The following MGAT4C variants were observed in gnomAD, a reference collection of about 807,000 sequenced individuals.
MGAT4C encodes MGAT4 family member C, also known as alpha-1,3-mannosyl-glycoprotein 4-beta-N-acetylglucosaminyltransferase C.
A neutral mutation model predicts 40.1 loss-of-function variants in MGAT4C; 19 were observed. The ratio of observed to expected loss-of-function variants is 0.47; its 90% CI spans 0.33 to 0.70. MGAT4C has a LOEUF of 0.70. Among genes scored for constraint, MGAT4C ranks in the 30% least tolerant of loss-of-function variants. The probability of loss-of-function intolerance (pLI) is 0.02; values close to 1 mark genes in which losing one functional copy is unlikely to be tolerated. For missense variants in MGAT4C, 491 were observed against 563.2 expected (o/e 0.87, Z 1.30); for synonymous variants, 181 against 187.1 (o/e 0.97, Z 0.27).
rs572031012 is a variant in MGAT4C at position 86,502,522 on chromosome 12, T to A, written c.-228-67257A>T. ...GTGGACTTTGGTCAATAATAGCATA[T>A]TAGTATTGATTCATCCATTGTAACA... On this transcript the variant is annotated intron_variant, in intron 2 of 7. Transcript: ENST00000548651. Among the ~76,000 whole-genome samples the A allele has an allele frequency of 7.2e-5, 11 of 151,818 alleles. No individual in the cohort carries two copies. In the South Asian group the frequency reaches 2.3e-3, roughly 31 times the overall value.
intron 2 of MGAT4C, among the ~76,000 whole-genome samples, chr12:86,699,366 A>G (rs1950315915): frequency 6.6e-6 from 1 of 152,194 alleles, no homozygotes. Flanking sequence ...GAAGAAGAAA[A>G]AATATACGTA....
chr12:86,523,045 A>T (rs1192935046), intron 2 of MGAT4C, among the ~76,000 whole-genome samples: 1 of 151,964 alleles, frequency 6.6e-6, no homozygotes, highest in East Asian at 1.9e-4. Context: ...TTAAAAAAAC[A>T]ATTCCTGGAT....
In MGAT4C at chr12:86,081,343, T is replaced by C. The variant is rs1445031894; in HGVS notation, c.-56-31620A>G. On this transcript the variant is annotated intron_variant, in intron 1 of 4. Coordinates refer to ENST00000611864, the MANE Select transcript of MGAT4C (RefSeq NM_001351288.2). ...CAGAAGTCAGCATAGTCAAAGTGAC[T>C]CTAATTCGGGAGTCTGTGATCCAAA... Among the ~76,000 whole-genome samples the C allele has an allele frequency of 2.0e-5, 3 of 152,314 alleles. No individual in the cohort carries two copies. In the East Asian group the frequency reaches 5.8e-4, roughly 29 times the overall value.
intron 3 of MGAT4C, among the ~76,000 whole-genome samples, chr12:86,417,212 T>C (rs1273151543): frequency 2.0e-5 from 3 of 152,092 alleles, no homozygotes; most frequent in Admixed American, 2.0e-4. Flanking sequence ...AGAATATAGA[T>C]AAGTGGATTG....
At chr12:86,105,344 C>T (rs575741250) in intron 1 of MGAT4C, among the ~76,000 whole-genome samples, 2 of 152,150 alleles carry the variant, frequency 1.3e-5, no homozygotes, top group African/African-American at 4.8e-5. Context: ...AAACCAAAAA[C>T]CACATAATCT....
intron 1 of MGAT4C, among the ~76,000 whole-genome samples, chr12:86,752,590 T>C (rs556864694): frequency 1.6e-4 from 25 of 152,194 alleles, no homozygotes; most frequent in Middle Eastern, 3.4e-3. Flanking sequence ...TTAGTGAATA[T>C]CAATATCTTA....
chr12:86,111,299 T>C lies in MGAT4C; in HGVS notation c.-56-61576A>G, dbSNP rs185475059. ...AGTGTCTATCAAGCATTTGTCAGGA[T>C]TTCATAATCAAATAAGAAATGTTGC... On this transcript the variant is annotated intron_variant, in intron 1 of 4. Coordinates refer to ENST00000611864, the MANE Select transcript of MGAT4C (RefSeq NM_001351288.2). Among the ~76,000 whole-genome samples, 769 of 151,956 alleles carry C rather than the reference T, an allele frequency of 5.1e-3. 4 individuals are homozygous for C. Among genetic ancestry groups the C allele is most frequent in the Middle Eastern group, 0.01 (3 of 294 alleles).
intron 1 of MGAT4C, among the ~76,000 whole-genome samples, chr12:86,056,274 G>T (rs1242982306): frequency 6.6e-6 from 1 of 152,060 alleles, no homozygotes; most frequent in Non-Finnish European, 1.5e-5. Flanking sequence ...TAGGGTACAC[G>T]TGCACAACGT....
At chr12:86,136,057 C>A (rs1336485241) in intron 1 of MGAT4C, among the ~76,000 whole-genome samples, 3 of 152,134 alleles carry the variant, frequency 2.0e-5, no homozygotes, top group African/African-American at 7.2e-5. Flanking sequence ...AGTTTTGCTT[C>A]ATTTTCTCAT....
intron 1 of MGAT4C, among the ~76,000 whole-genome samples, chr12:86,159,907 G>T (rs2135796248): frequency 6.6e-6 from 1 of 152,010 alleles, no homozygotes; most frequent in East Asian, 1.9e-4. Context: ...TTCTGATCGG[G>T]CTTTACTTGG....
At chr12:86,663,344 C>T (rs2136551766) in intron 2 of MGAT4C, among the ~76,000 whole-genome samples, 2 of 129,442 alleles carry the variant, frequency 1.5e-5, no homozygotes, top group South Asian at 4.6e-4. Flanking sequence ...AGTGATACCT[C>T]CTCTGTCTCA....
At chr12:86,810,497 GT>G (rs1159536690) in intron 1 of MGAT4C, among the ~76,000 whole-genome samples, 2 of 151,660 alleles carry the variant, frequency 1.3e-5, no homozygotes, top group African/African-American at 4.8e-5. Flanking sequence ...TCAAGTTGAG[GT>G]AATTCCCTTG....
chr12:86,807,504 T>A (rs1952381216), intron 1 of MGAT4C, among the ~76,000 whole-genome samples: 1 of 151,898 alleles, frequency 6.6e-6, no homozygotes, highest in African/African-American at 2.4e-5. Context: ...ATGTACCACA[T>A]TTTTTTTATC....
intron 2 of MGAT4C, among the ~76,000 whole-genome samples, chr12:86,696,652 T>C (rs1008784101): frequency 5.3e-5 from 8 of 152,208 alleles, no homozygotes; most frequent in African/African-American, 7.2e-5. Context: ...TTTGCATTAA[T>C]CTTAAATTTA....
chr12:86,029,223 A>G (rs1023152631), intron 2 of MGAT4C, among the ~76,000 whole-genome samples: 3 of 151,998 alleles, frequency 2.0e-5, no homozygotes, highest in Non-Finnish European at 2.9e-5. Flanking sequence ...TTATATGTCA[A>G]TATCAGATCA....
chr12:86,198,019 A>G (rs1949890521), intron 1 of MGAT4C, among the ~76,000 whole-genome samples: 1 of 152,226 alleles, frequency 6.6e-6, no homozygotes, highest in South Asian at 2.1e-4. Context: ...TGGGAATTGT[A>G]AAGCTCAGAG....
chr12:86,180,476 C>A (rs572484264), intron 1 of MGAT4C, among the ~76,000 whole-genome samples: 1 of 152,282 alleles, frequency 6.6e-6, no homozygotes, highest in East Asian at 1.9e-4. Flanking sequence ...CGTGGAAAAG[C>A]CTCAGACACT....
At chr12:86,085,865 AT>A (rs748323419) in intron 1 of MGAT4C, among the ~76,000 whole-genome samples, 30 of 152,026 alleles carry the variant, frequency 2.0e-4, no homozygotes, top group Middle Eastern at 3.2e-3. Context: ...AGTTAGAATG[AT>A]GATCATTAAA....
intron 2 of MGAT4C, among the ~76,000 whole-genome samples, chr12:86,632,363 C>T (rs932242862): frequency 2.0e-5 from 3 of 152,062 alleles, no homozygotes; most frequent in Admixed American, 6.6e-5. Context: ...CCTCAAGGAT[C>T]GAGAACTAGA....
Sources: allele counts gnomAD v4.1 joint callset (sites outside exome capture counted in the v4.1 genomes callset), GRCh38; gene constraint gnomAD v4.1.1; transcripts MANE v1.5; gene names NCBI Gene and HGNC (gene_info 2026-07-23, HGNC 2026-07-21).